ADAMTSL1: variants seen among roughly 807,000 people sequenced by gnomAD.
ADAMTSL1 encodes the protein ADAMTS-like protein 1.
In ADAMTSL1, 126 loss-of-function variants were observed where a neutral mutation model predicts 201.8. The observed-to-expected ratio is 0.62, with a 90% CI of 0.54 to 0.72. The LOEUF (loss-of-function observed/expected upper bound fraction) is 0.72. Ranked by LOEUF, ADAMTSL1 falls within the 30% of genes least tolerant of loss-of-function variation. The pLI is 0.00. For missense variants in ADAMTSL1, 2,679 were observed against 2,277.8 expected, an observed-to-expected ratio of 1.18 and a Z score of -3.59; for synonymous variants, 1,121 against 903.4, an observed-to-expected ratio of 1.24 and a Z score of -4.32.
At chr9:18,193,718 C>T (rs1829061947) in intron 2 of ADAMTSL1, among the ~76,000 whole-genome samples, 1 of 152,234 alleles carries the variant, frequency 6.6e-6, no homozygotes, top group South Asian at 2.1e-4. Context: ...ACTCCCATAG[C>T]CACATAATTT....
intron 1 of ADAMTSL1, among the ~76,000 whole-genome samples, chr9:18,133,130 G>A (rs571423249): frequency 1.3e-5 from 2 of 152,212 alleles, no homozygotes; most frequent in East Asian, 3.9e-4. Context: ...AGGGGCTAGG[G>A]TTCAGACTTT....
At chr9:18,009,920 A>T (rs1281853031) in intron 1 of ADAMTSL1, among the ~76,000 whole-genome samples, 1 of 152,058 alleles carries the variant, frequency 6.6e-6, no homozygotes, top group Admixed American at 6.6e-5. Flanking sequence ...TTCTCTGAAC[A>T]TTTAGAAGAT....
rs183359323 is a variant in ADAMTSL1, at chr9:18,486,278, G to T, written c.63+11983G>T. On this transcript the variant is annotated intron_variant, in intron 1 of 28. Coordinates refer to ENST00000380548, the MANE Select transcript of ADAMTSL1 (RefSeq NM_001040272.6). ...AACCAATGTATCTGTATCCTAAAAA[G>T]TTAAGAACTTTCTGTCATTCAGCAA... 2.8e-4 allele frequency among the ~76,000 whole-genome samples: 43 copies of T among 152,334 alleles called. No homozygotes were observed. In the Middle Eastern group the frequency reaches 0.01, roughly 36 times the overall value.
At chr9:18,839,524 T>G (rs947136332) in intron 23 of ADAMTSL1, among the ~76,000 whole-genome samples, 14 of 152,138 alleles carry the variant, frequency 9.2e-5, no homozygotes, top group African/African-American at 2.7e-4. Context: ...AGCAGCATGA[T>G]TTATAGTCCT....
At chr9:18,904,481 A>T (rs1192946869) in intron 26 of ADAMTSL1, among the ~76,000 whole-genome samples, 4 of 151,676 alleles carry the variant, frequency 2.6e-5, no homozygotes, top group African/African-American at 7.3e-5. Flanking sequence ...AAGAAAAAAA[A>T]AGTTATTTTT....
intron 2 of ADAMTSL1, among the ~76,000 whole-genome samples, chr9:18,304,241 A>C (rs1833818780): frequency 6.6e-6 from 1 of 152,048 alleles, no homozygotes; most frequent in Admixed American, 6.5e-5. Context: ...GAATCTTTGA[A>C]GTGACGGTGG....
intron 1 of ADAMTSL1, among the ~76,000 whole-genome samples, chr9:18,003,271 G>T (rs1819686920): frequency 6.8e-6 from 1 of 146,498 alleles, no homozygotes; most frequent in Non-Finnish European, 1.5e-5. Flanking sequence ...CAGTCTACAT[G>T]TCCATGAAGC....
intron 2 of ADAMTSL1, among the ~76,000 whole-genome samples, chr9:18,214,699 T>C (rs1447636021): frequency 6.6e-6 from 1 of 152,228 alleles, no homozygotes; most frequent in African/African-American, 2.4e-5. Context: ...ACAAAAGTTT[T>C]ATTTCATAAA....
At chr9:18,877,519 G>A (rs1191600670) in intron 23 of ADAMTSL1, among the ~76,000 whole-genome samples, 1 of 152,192 alleles carries the variant, frequency 6.6e-6, no homozygotes, top group Admixed American at 6.5e-5. Context: ...TAGCCATCCA[G>A]TGGAGCTACT....
At chr9:18,839,098 T>A (rs1454376860) in intron 23 of ADAMTSL1, among the ~76,000 whole-genome samples, 2 of 150,866 alleles carry the variant, frequency 1.3e-5, no homozygotes, top group Non-Finnish European at 2.9e-5. Flanking sequence ...GTTACTTACA[T>A]ATGTATACAT....
intron 1 of ADAMTSL1, among the ~76,000 whole-genome samples, chr9:18,497,467 AG>A (rs1177064440): frequency 2.6e-5 from 4 of 152,208 alleles, no homozygotes; most frequent in Non-Finnish European, 4.4e-5. Context: ...ACAGACTGAC[AG>A]GCTATTTCTA....
intron 13 of ADAMTSL1, among the ~76,000 whole-genome samples, chr9:18,688,679 A>T (rs1248720993): frequency 1.9e-3 from 53 of 28,102 alleles, no homozygotes; most frequent in African/African-American, 4.4e-3. Context: ...AAAAAAAAAA[A>T]AAAAAAAAAA....
At chr9:18,230,972 T>A (rs1453996839) in intron 2 of ADAMTSL1, among the ~76,000 whole-genome samples, 1 of 152,288 alleles carries the variant, frequency 6.6e-6, no homozygotes, top group East Asian at 1.9e-4. Flanking sequence ...GAGGACACCA[T>A]TTATCAATTT....
intron 15 of ADAMTSL1, among the ~76,000 whole-genome samples, chr9:18,732,105 C>G (rs569449005): frequency 6.6e-6 from 1 of 152,278 alleles, no homozygotes; most frequent in East Asian, 1.9e-4. Context: ...TTAGCTAGTT[C>G]CTACCTCATA....
intron 23 of ADAMTSL1, among the ~76,000 whole-genome samples, chr9:18,880,910 G>C (rs1402361555): frequency 6.6e-6 from 1 of 152,200 alleles, no homozygotes; most frequent in African/African-American, 2.4e-5. Context: ...ATCTTAGCCA[G>C]ATTTTCTGGA....
chr9:17,962,643 G>T (rs1266899225), intron 1 of ADAMTSL1, among the ~76,000 whole-genome samples: 2 of 152,188 alleles, frequency 1.3e-5, no homozygotes, highest in Non-Finnish European at 2.9e-5. Flanking sequence ...GCAAGTTCTA[G>T]ATCTGTTTAT....
At chr9:18,731,840 T>C (rs2133485177) in intron 15 of ADAMTSL1, among the ~76,000 whole-genome samples, 1 of 152,122 alleles carries the variant, frequency 6.6e-6, no homozygotes, top group South Asian at 2.1e-4. Context: ...TCACAAGAAC[T>C]CACTATCTTG....
chr9:18,568,587 T>C (rs1822087305), intron 3 of ADAMTSL1, among the ~76,000 whole-genome samples: 1 of 152,196 alleles, frequency 6.6e-6, no homozygotes, highest in Non-Finnish European at 1.5e-5. Flanking sequence ...GAGGATAAAG[T>C]AGATGCCTTG....
Position 18,427,654 on chromosome 9 carries a change from C to T in ADAMTSL1, c.208-77175C>T, listed in dbSNP as rs377293745. On this transcript the variant is annotated intron_variant, in intron 2 of 29. Transcript: ENST00000680146. ...TTTTTCTCTTGCTCTCTTAAACTCT[C>T]AGGAGATTTTCTTGCTGAGGCAGGA... Among the ~76,000 whole-genome samples, 17 of 152,334 alleles carry T rather than the reference C, an allele frequency of 1.1e-4. No individual in the cohort carries two copies. The South Asian group carries it at 2.7e-3, about 24-fold the overall frequency.
Sources: allele counts gnomAD v4.1 joint callset (sites outside exome capture counted in the v4.1 genomes callset), GRCh38; gene constraint gnomAD v4.1.1; transcripts MANE v1.5; gene names NCBI Gene and HGNC (gene_info 2026-07-23, HGNC 2026-07-21).